The following ATP6V0E1 variants were observed in gnomAD, a reference collection of about 807,000 sequenced individuals.
ATP6V0E1 encodes the protein V-type proton ATPase subunit e 1.
Under a neutral mutation model 11.6 loss-of-function variants are expected in ATP6V0E1, and 4 were observed. The observed-to-expected ratio is 0.35, with a 90% CI of 0.17 to 0.79. ATP6V0E1 has a LOEUF of 0.79. Ranked by LOEUF, ATP6V0E1 falls within the 30% of genes least tolerant of loss-of-function variation. The pLI, the probability that ATP6V0E1 is intolerant of heterozygous loss-of-function variation, is 0.54. For missense variants in ATP6V0E1, 105 were observed against 100.0 expected, an observed-to-expected ratio of 1.05 and a Z score of -0.21; for synonymous variants, 36 against 34.8, an observed-to-expected ratio of 1.04 and a Z score of -0.13.
chr5:173,015,344 C>T lies in ATP6V0E1; in HGVS notation c.153-4894C>T, dbSNP rs6861684. Among the ~76,000 whole-genome samples the T allele has an allele frequency of 8.7e-3, 1,318 of 152,262 alleles. 18 individuals carry two copies. The highest frequency in any genetic ancestry group is 0.03 in the African/African-American group (1,257 of 41,544). On this transcript the variant is annotated intron_variant, in intron 2 of 3. Transcript: ENST00000519374. ...GTTCCCATTTCCTGGTATACAACTC[C>T]TAAAATCCTTAGAATCTCCAAAGTG...
chr5:173,031,692 G>A (rs1343984425), intron 3 of ATP6V0E1, among the ~76,000 whole-genome samples: 1 of 151,566 alleles, frequency 6.6e-6, no homozygotes, highest in South Asian at 2.1e-4. Context: ...AGTGGCGGGC[G>A]CCTGTAGTCC....
At chr5:172,992,920 C>T (rs1171533014) in intron 1 of ATP6V0E1, among the ~76,000 whole-genome samples, 2 of 152,100 alleles carry the variant, frequency 1.3e-5, no homozygotes, top group African/African-American at 4.8e-5. Flanking sequence ...GCCTCAGCCT[C>T]CTGAGCAGCT....
intron 1 of ATP6V0E1, among the ~76,000 whole-genome samples, chr5:172,989,701 AT>A: frequency 6.6e-6 from 1 of 151,726 alleles, no homozygotes; most frequent in African/African-American, 2.4e-5. Flanking sequence ...TCATTTTTGT[AT>A]TTTTTAGTAG....
chr5:173,016,630 A>C (rs1756403866), intron 2 of ATP6V0E1, among the ~76,000 whole-genome samples: 1 of 152,210 alleles, frequency 6.6e-6, no homozygotes, highest in South Asian at 2.1e-4. Flanking sequence ...CAGTTGTCTC[A>C]GTCTCTTACG....
At chr5:173,025,180 C>T in intron 3 of ATP6V0E1, among the ~76,000 whole-genome samples, 1 of 131,752 alleles carries the variant, frequency 7.6e-6, no homozygotes. Context: ...CAGAGTCCTG[C>T]TCTGTTGCCA....
chr5:173,028,680 G>A (rs954029033), intron 3 of ATP6V0E1, among the ~76,000 whole-genome samples: 1 of 152,212 alleles, frequency 6.6e-6, no homozygotes, highest in African/African-American at 2.4e-5. Context: ...CCGAACCACA[G>A]CCTGATGAGA....
At chr5:173,014,794 C>T (rs1042050936) in intron 2 of ATP6V0E1, among the ~76,000 whole-genome samples, 2 of 151,996 alleles carry the variant, frequency 1.3e-5, no homozygotes, top group Non-Finnish European at 2.9e-5. Flanking sequence ...TGGGCACAAA[C>T]ATTAAACAGA....
chr5:172,989,230 C>T (rs1264692248), intron 1 of ATP6V0E1, among the ~76,000 whole-genome samples: 1 of 151,332 alleles, frequency 6.6e-6, no homozygotes, highest in Non-Finnish European at 1.5e-5. Context: ...GTCCTAGCTT[C>T]TCAGGAGGCT....
At chr5:173,008,909 T>TCA (rs1756270533) in intron 2 of ATP6V0E1, among the ~76,000 whole-genome samples, 1 of 45,890 alleles carries the variant, frequency 2.2e-5, no homozygotes, top group Admixed American at 3.5e-4. Context: ...AGACTCTGTC[T>TCA]CAAAAAAAAA....
At chr5:172,999,978 AGT>A (rs1489373577) in intron 2 of ATP6V0E1, among the ~76,000 whole-genome samples, 1 of 152,216 alleles carries the variant, frequency 6.6e-6, no homozygotes, top group Admixed American at 6.5e-5. Flanking sequence ...TCCACAAAAG[AGT>A]GAGATTCTAT....
chr5:172,992,057 T>G lies in ATP6V0E1; in HGVS notation c.105-2718T>G, dbSNP rs562690676. Among the ~76,000 whole-genome samples the G allele has an allele frequency of 1.6e-4, 24 of 152,298 alleles. No homozygotes were observed. In the East Asian group the frequency reaches 4.4e-3, roughly 28 times the overall value. On this transcript the variant is annotated intron_variant, in intron 1 of 3. Coordinates refer to ENST00000519374, the MANE Select transcript of ATP6V0E1 (RefSeq NM_003945.4). ...CTCTCTCTCTTTTCTTTCTTTCTTT[T>G]TTATTTTTTTTGAGACGGAGTCTCG...
chr5:172,992,890 C>T (rs772739557), intron 1 of ATP6V0E1, among the ~76,000 whole-genome samples: 1 of 152,078 alleles, frequency 6.6e-6, no homozygotes, highest in Non-Finnish European at 1.5e-5. Context: ...GTCTGCCTCC[C>T]AAGTTCAAGT....
intron 1 of ATP6V0E1, among the ~76,000 whole-genome samples, chr5:172,990,808 C>T (rs1755967593): frequency 1.4e-5 from 2 of 147,848 alleles, no homozygotes; most frequent in African/African-American, 5.0e-5. Flanking sequence ...GCCTGGACGA[C>T]AGAGCGATAC....
chr5:173,008,074 G>A (rs1036539842), intron 2 of ATP6V0E1, among the ~76,000 whole-genome samples: 2 of 152,152 alleles, frequency 1.3e-5, no homozygotes, highest in African/African-American at 4.8e-5. Flanking sequence ...CGCGACCTCC[G>A]GCCTACGCCT....
intron 1 of ATP6V0E1, among the ~76,000 whole-genome samples, chr5:172,990,122 G>C (rs1323738755): frequency 6.6e-6 from 1 of 152,052 alleles, no homozygotes; most frequent in African/African-American, 2.4e-5. Flanking sequence ...ACAGTTGTGA[G>C]CACTGTGCTC....
At chr5:172,997,136 A>G (rs1756078199) in intron 2 of ATP6V0E1, among the ~76,000 whole-genome samples, 1 of 152,226 alleles carries the variant, frequency 6.6e-6, no homozygotes. Context: ...GAAAAATTCT[A>G]TTCCTTTAAT....
chr5:173,007,172 G>C (rs181516945), intron 2 of ATP6V0E1, among the ~76,000 whole-genome samples: 11 of 152,006 alleles, frequency 7.2e-5, no homozygotes, highest in African/African-American at 2.7e-4. Context: ...ATGAGGTCTC[G>C]CCATGTTGCC....
intron 2 of ATP6V0E1, among the ~76,000 whole-genome samples, chr5:173,015,519 A>C (rs1363127285): frequency 2.0e-5 from 3 of 152,084 alleles, no homozygotes; most frequent in African/African-American, 7.2e-5. Flanking sequence ...GAGGGGCTGA[A>C]CCTTAAACTG....
At chr5:173,019,566 A>C (rs76148831) in intron 2 of ATP6V0E1, among the ~76,000 whole-genome samples, 1 of 151,942 alleles carries the variant, frequency 6.6e-6, no homozygotes, top group Admixed American at 6.6e-5. Flanking sequence ...AAAAAAAAAA[A>C]CCCTGAAGTA....
Sources: gnomAD v4.1 joint callset for allele counts (sites outside exome capture counted in the v4.1 genomes callset) on GRCh38, gnomAD v4.1.1 for gene constraint, MANE v1.5 for transcripts, NCBI Gene and HGNC (gene_info 2026-07-23, HGNC 2026-07-21) for gene names.